UNC13B: variants seen among roughly 807,000 people sequenced by gnomAD.
UNC13B encodes the protein unc-13 homolog B, also known as protein unc-13 homolog B.
Under a neutral mutation model 211.0 loss-of-function variants are expected in UNC13B, and 144 were observed. That is an observed-to-expected ratio of 0.68 (90% CI 0.60 to 0.78). The LOEUF is 0.78. UNC13B is among the 30% of genes least tolerant of loss of function. UNC13B has a pLI of 0.00. For missense variants in UNC13B, 1,777 were observed against 2,002.0 expected (o/e 0.89, Z 2.14); for synonymous variants, 709 against 725.8 (o/e 0.98, Z 0.37).
chr9:35,229,494 C>T (rs760932649), intron 2 of UNC13B, among the ~76,000 whole-genome samples: 35 of 152,134 alleles, frequency 2.3e-4, no homozygotes, highest in Non-Finnish European at 4.7e-4. Flanking sequence ...GCACCAACCA[C>T]CAATTGTCAA....
chr9:35,303,947 T>C lies in UNC13B; in HGVS notation c.4543T>C (p.Cys1515Arg). 2.5e-6 allele frequency: 1 copy of C among 398,822 alleles called. No homozygotes were observed. Among genetic ancestry groups the C allele is most frequent in the Admixed American group, 4.4e-5 (1 of 22,718 alleles). The allele number at this position is 398,822 out of a possible 1,614,324, so 24.7% of individuals were successfully genotyped here. Residue 1515 changes from cysteine (C) to arginine (R), a missense_variant, in exon 9 of 40, where the codon TGT becomes CGT. By Grantham distance (180) the Cys-to-Arg change is radical. Coordinates refer to ENST00000635942, the MANE Select transcript of UNC13B (RefSeq NM_001371189.2). Reference protein sequence around the residue: ...FGYEYQEWLSCLEHGVWWPSE... With the variant: ...FGYEYQEWLSRLEHGVWWPSE... Reference sequence around the variant, plus strand: ...TTATGAGTACCAGGAATGGTTGTCATGTCTTGAACATGGAGTGTGGTGGCC... The same window carrying C: ...TTATGAGTACCAGGAATGGTTGTCACGTCTTGAACATGGAGTGTGGTGGCC...
chr9:35,381,244 C>A, intron 19 of UNC13B, 29 bp downstream of exon 19: 1 of 1,589,362 alleles, frequency 6.3e-7, no homozygotes. Context: ...GGTGGGGGAT[C>A]AGAAAGCAGT....
At chr9:35,241,521 C>A (rs1383795595) in intron 5 of UNC13B, among the ~76,000 whole-genome samples, 1 of 151,386 alleles carries the variant, frequency 6.6e-6, no homozygotes, top group Middle Eastern at 3.2e-3. Context: ...TTAATACTTT[C>A]TTGTGTATCT....
In UNC13B at chr9:35,385,732, C is replaced by T; in HGVS notation, c.10884C>T (p.Phe3628=). 1.2e-6 allele frequency: 2 copies of T among 1,601,444 alleles called. No homozygotes were observed. The highest frequency in any genetic ancestry group is 1.7e-6 in the Non-Finnish European group (2 of 1,170,012). ...TGCTTGATTTGCAACAGAATAATTT[C>T]CCTGCTGGGAGTCCTGAACGGCTTC... ...RIDLSTYRNN[F]PAGSPERLQD... is the part of the protein sequence containing the mutation. The change falls in exon 23 of 40, where the codon TTC becomes TTT. Residue 3628 remains phenylalanine (F), a synonymous_variant. Transcript: ENST00000635942.
At chr9:35,327,629 C>T (rs57117622) in intron 11 of UNC13B, among the ~76,000 whole-genome samples, 1 of 152,172 alleles carries the variant, frequency 6.6e-6, no homozygotes, top group Non-Finnish European at 1.5e-5. Flanking sequence ...GTGGGTCTTC[C>T]TCTCCCAGTC....
At chr9:35,228,947 A>G (rs1825037206) in intron 2 of UNC13B, among the ~76,000 whole-genome samples, 2 of 152,130 alleles carry the variant, frequency 1.3e-5, no homozygotes, top group Non-Finnish European at 2.9e-5. Context: ...TAGATTCAGA[A>G]GTAGAATTGC....
chr9:35,214,189 A>T (rs1824127717), intron 1 of UNC13B, among the ~76,000 whole-genome samples: 1 of 152,172 alleles, frequency 6.6e-6, no homozygotes. Context: ...GCACTTTGGG[A>T]GGTGGAGATG....
intron 1 of UNC13B, among the ~76,000 whole-genome samples, chr9:35,195,153 C>T (rs1374134752): frequency 6.6e-6 from 1 of 152,054 alleles, no homozygotes; most frequent in Non-Finnish European, 1.5e-5. Context: ...ACATGGCTGA[C>T]AGAGAAGGGA....
At chr9:35,384,127 C>A in intron 21 of UNC13B, 119 bp from the exon 22 acceptor site, 1 of 1,498,332 alleles carries the variant, frequency 6.7e-7, no homozygotes, top group South Asian at 1.4e-5. Context: ...GATGTGTCTC[C>A]AACCCAATGC....
intron 11 of UNC13B, chr9:35,351,906 AT>A: frequency 8.1e-7 from 1 of 1,232,268 alleles, no homozygotes; most frequent in Non-Finnish European, 1.0e-6. Flanking sequence ...TCCAGAGGCC[AT>A]GGCCAAGGCT....
chr9:35,227,939 T>TA, intron 1 of UNC13B, 76 bp from the exon 2 acceptor site: 2 of 1,248,552 alleles, frequency 1.6e-6, no homozygotes, highest in Non-Finnish European at 2.3e-6. Flanking sequence ...CATTGGTATG[T>TA]AGTGCCTAAT....
At chr9:35,339,706 C>T (rs1333394995) in intron 11 of UNC13B, among the ~76,000 whole-genome samples, 1 of 152,202 alleles carries the variant, frequency 6.6e-6, no homozygotes, top group African/African-American at 2.4e-5. Flanking sequence ...ATGTGCTAAC[C>T]ACGTCTTCTA....
chr9:35,267,380 TTGA>T (rs1033293522), intron 7 of UNC13B, among the ~76,000 whole-genome samples: 4 of 152,214 alleles, frequency 2.6e-5, no homozygotes, highest in African/African-American at 7.2e-5. Flanking sequence ...CTGGACTATC[TTGA>T]TGAATGCCAG....
At chr9:35,369,762 C>G (rs1014518455) in intron 12 of UNC13B, among the ~76,000 whole-genome samples, 3 of 152,180 alleles carry the variant, frequency 2.0e-5, no homozygotes, top group Non-Finnish European at 4.4e-5. Flanking sequence ...GGGCTCCTTT[C>G]TCCATGGAGA....
At chr9:35,392,857 G>A (rs1196221766) in intron 26 of UNC13B, among the ~76,000 whole-genome samples, 1 of 151,934 alleles carries the variant, frequency 6.6e-6, no homozygotes, top group Admixed American at 6.6e-5. Context: ...AGAAAATGCT[G>A]TCCGTCACCA....
At chr9:35,375,572 G>T (rs1396980190) in intron 14 of UNC13B, among the ~76,000 whole-genome samples, 2 of 152,214 alleles carry the variant, frequency 1.3e-5, no homozygotes, top group Non-Finnish European at 2.9e-5. Context: ...ATTCTGCTAT[G>T]CTGGGCTCTG....
intron 24 of UNC13B, among the ~76,000 whole-genome samples, chr9:35,388,183 G>T (rs1016563158): frequency 6.6e-6 from 1 of 152,144 alleles, no homozygotes; most frequent in Non-Finnish European, 1.5e-5. Flanking sequence ...CGGGGCGGGT[G>T]GATCACTTGA....
chr9:35,299,338 T>C (rs1206017443), intron 8 of UNC13B, among the ~76,000 whole-genome samples: 1 of 152,232 alleles, frequency 6.6e-6, no homozygotes, highest in Admixed American at 6.5e-5. Context: ...TTTTTTCTTA[T>C]TAAAAGAAAT....
chr9:35,294,071 T>C (rs1829229581), intron 7 of UNC13B, among the ~76,000 whole-genome samples: 1 of 152,198 alleles, frequency 6.6e-6, no homozygotes, highest in Non-Finnish European at 1.5e-5. Flanking sequence ...TTGTGCTCTC[T>C]TTTAGTGGAA....
Sources: allele counts gnomAD v4.1 joint callset (sites outside exome capture counted in the v4.1 genomes callset), GRCh38; gene constraint gnomAD v4.1.1; transcripts MANE v1.5; gene names NCBI Gene and HGNC (gene_info 2026-07-23, HGNC 2026-07-21).